The following LHCGR variants were observed in gnomAD, a reference collection of about 807,000 sequenced individuals.
LHCGR encodes the protein luteinizing hormone/choriogonadotropin receptor.
In LHCGR, 55 loss-of-function variants were observed where a neutral mutation model predicts 60.7. The observed-to-expected ratio is 0.91, with a 90% CI of 0.73 to 1.13. The LOEUF (loss-of-function observed/expected upper bound fraction) is 1.13. Ranked by LOEUF, LHCGR falls within the 50% of genes most tolerant of loss-of-function variation. The pLI, the probability that LHCGR is intolerant of heterozygous loss-of-function variation, is 0.00. For synonymous variants in LHCGR, 337 were observed against 316.5 expected (o/e 1.06, Z -0.69); for missense variants, 862 against 836.0 (o/e 1.03, Z -0.38).
chr2:48,699,752 C>A (rs1045086690), intron 8 of LHCGR, among the ~76,000 whole-genome samples: 4 of 152,266 alleles, frequency 2.6e-5, no homozygotes, highest in African/African-American at 9.6e-5. Flanking sequence ...CTCAGCCTTG[C>A]AAGCTGAACT....
chr2:48,706,207 T>C (rs1225522075), intron 8 of LHCGR, among the ~76,000 whole-genome samples: 1 of 152,242 alleles, frequency 6.6e-6, no homozygotes, highest in Non-Finnish European at 1.5e-5. Context: ...TCTTTAAGAA[T>C]GTTGAATATT....
chr2:48,698,715 G>A lies in LHCGR; in HGVS notation c.766C>T (p.Leu256=). Residue 256 remains leucine, a synonymous_variant, in exon 9 of 11, where the codon CTA becomes TTA. Coordinates refer to ENST00000294954, the MANE Select transcript of LHCGR (RefSeq NM_000233.4). The part of the protein sequence containing the change: ...QRLIATSSYS[L]KKLPSRETFV... ...GTTTCTCTTGATGGCAATTTTTTTA[G>A]AGAATAGGATGACGTGGCAATTAGC... The A allele has an allele frequency of 6.2e-7, 1 of 1,614,128 alleles. No homozygotes were observed. Among genetic ancestry groups the A allele is most frequent in the Non-Finnish European group, 8.5e-7 (1 of 1,179,960 alleles).
At chr2:48,714,930 A>G (rs568908074) in intron 6 of LHCGR, among the ~76,000 whole-genome samples, 48 of 152,216 alleles carry the variant, frequency 3.2e-4, no homozygotes, top group Non-Finnish European at 6.3e-4. Context: ...TCTAAAGCCT[A>G]CAACTGGCAT....
chr2:48,695,578 T>G (rs1667077400), intron 9 of LHCGR, among the ~76,000 whole-genome samples: 1 of 152,160 alleles, frequency 6.6e-6, no homozygotes, highest in African/African-American at 2.4e-5. Flanking sequence ...AATAGATCAT[T>G]ACACCAAAAA....
chr2:48,725,909 G>A (rs1324700129), intron 3 of LHCGR, among the ~76,000 whole-genome samples, 159 bp from the exon 4 acceptor site: 1 of 152,188 alleles, frequency 6.6e-6, no homozygotes, highest in Non-Finnish European at 1.5e-5. Context: ...CTCTGGGGAT[G>A]GAAATGGCTT....
intron 1 of LHCGR, among the ~76,000 whole-genome samples, chr2:48,753,044 C>T (rs1670050755): frequency 7.6e-6 from 1 of 131,110 alleles, no homozygotes; most frequent in African/African-American, 3.0e-5. Flanking sequence ...TATACTTTTT[C>T]CTCTCTAAGA....
intron 1 of LHCGR, among the ~76,000 whole-genome samples, chr2:48,741,848 C>T (rs1167240404): frequency 6.6e-6 from 1 of 151,102 alleles, no homozygotes. Context: ...ACAATATTAA[C>T]TTTAAATGTA....
Position 48,755,615 on chromosome 2 carries a change from C to T in LHCGR, c.57G>A (p.Pro19=). The change falls in exon 1 of 11, where the codon CCG becomes CCA. Residue 19 remains proline (P), a synonymous_variant. Coordinates refer to ENST00000294954, the MANE Select transcript of LHCGR (RefSeq NM_000233.4). ...CCTCGCGCAGCGCTCGTGGCAGCGG[C>T]GGCTGCAGCAGCAGCAGCAGCTTCA... ...QLLKLLLLLQ[P]PLPRALREAL... The T allele has an allele frequency of 6.5e-7, 1 of 1,528,986 alleles. No homozygotes were observed. Among genetic ancestry groups the T allele is most frequent in the Non-Finnish European group, 8.8e-7 (1 of 1,141,306 alleles). The allele number at this position is 1,528,986 out of a possible 1,614,324, so 94.7% of individuals were successfully genotyped here. A position where few individuals can be genotyped will look rare whatever the true frequency, so the allele number is the denominator to read the frequency against.
intron 6 of LHCGR, among the ~76,000 whole-genome samples, chr2:48,715,055 G>C (rs1057513054): frequency 6.6e-6 from 1 of 152,104 alleles, no homozygotes; most frequent in Non-Finnish European, 1.5e-5. Flanking sequence ...CTTCCTGCAG[G>C]ATTGTATTTC....
chr2:48,722,559 T>C (rs2104450003), intron 6 of LHCGR, among the ~76,000 whole-genome samples: 1 of 152,176 alleles, frequency 6.6e-6, no homozygotes, highest in East Asian at 1.9e-4. Context: ...TCTCATGAGA[T>C]CTGATTGTTT....
At chr2:48,689,518 T>C (rs1490090495) in intron 10 of LHCGR, among the ~76,000 whole-genome samples, 1 of 152,158 alleles carries the variant, frequency 6.6e-6, no homozygotes, top group Non-Finnish European at 1.5e-5. Context: ...CAAGGATAGA[T>C]TATTAGAAAT....
At position 48,687,371 on chromosome 2, in the gene LHCGR, C is replaced by T. The variant is rs916425275; in HGVS notation, c.*326G>A. On this transcript the variant is annotated 3_prime_UTR_variant, in exon 11 of 11. Coordinates refer to ENST00000294954, the MANE Select transcript of LHCGR (RefSeq NM_000233.4). ...ACTAATATTTTTATAGAATGCAATA[C>T]AAATTACGAAAATGAAAAAAAAGAT... is the stretch of plus-strand genomic sequence containing the variant. 3 of 284,406 alleles carry T rather than the reference C, an allele frequency of 1.1e-5. No homozygotes were observed. The highest frequency in any genetic ancestry group is 2.0e-5 in the Non-Finnish European group (3 of 149,872). 17.6% of individuals were successfully genotyped at this position (284,406 alleles called of 1,614,324 possible).
chr2:48,726,214 G>A (rs975195757), intron 3 of LHCGR, among the ~76,000 whole-genome samples: 1 of 152,164 alleles, frequency 6.6e-6, no homozygotes. Context: ...TTATACCGAG[G>A]GGCACCAGTC....
chr2:48,740,402 C>T (rs961361992), intron 1 of LHCGR, among the ~76,000 whole-genome samples: 2 of 152,202 alleles, frequency 1.3e-5, no homozygotes, highest in Non-Finnish European at 2.9e-5. Flanking sequence ...CACAGACAAA[C>T]AAAAAGACAG....
rs1254990275 is a variant in LHCGR at position 48,688,637 on chromosome 2, C to CT, written c.1159dup (p.Ser387LysfsTer33). 6.2e-7 allele frequency: 1 copy of CT among 1,614,166 alleles called. No individual in the cohort carries two copies. ...ACGAGGCACTGTAAGTTTGTAACGA[C>CT]TTGTCAGGAGAACAAAAAGAACAGT... is the stretch of plus-strand genomic sequence containing the variant. On this transcript the variant is annotated frameshift_variant, in exon 11 of 11. Transcript: ENST00000294954. LOFTEE classifies it high-confidence loss of function. The surrounding 1 kb of genome is among the most constrained non-coding windows in gnomAD (Gnocchi z 5.2).
chr2:48,697,645 T>C (rs938077582), intron 9 of LHCGR, among the ~76,000 whole-genome samples: 2 of 152,202 alleles, frequency 1.3e-5, no homozygotes, highest in Non-Finnish European at 2.9e-5. Context: ...TTTGGTTGAT[T>C]CCAAACAAAG....
At chr2:48,689,163 A>C (rs574429122) in intron 10 of LHCGR, among the ~76,000 whole-genome samples, 91 of 148,326 alleles carry the variant, frequency 6.1e-4, no homozygotes, top group African/African-American at 2.2e-3. Flanking sequence ...ATATATACAC[A>C]CATATATACA....
chr2:48,729,369 C>A, intron 2 of LHCGR, 142 bp from the exon 3 acceptor site: 1 of 719,762 alleles, frequency 1.4e-6, no homozygotes, highest in South Asian at 1.5e-5. Context: ...GCAAGTTGTC[C>A]CCAAATCATA....
chr2:48,732,722 A>G lies in LHCGR; in HGVS notation c.162-1424T>C, dbSNP rs879163619. On this transcript the variant is annotated intron_variant, in intron 1 of 10. Transcript: ENST00000294954. The stretch of plus-strand genomic sequence containing the variant: ...AACCTTGCTTCTCCTGAGAGGAAGC[A>G]TGTCACATTCGCTCTATTTCTTCTG... Among the ~76,000 whole-genome samples, 7 of 152,204 alleles carry G rather than the reference A, an allele frequency of 4.6e-5. No homozygotes were observed. In the South Asian group the frequency reaches 1.4e-3, roughly 32 times the overall value.
Sources: allele counts gnomAD v4.1 joint callset (sites outside exome capture counted in the v4.1 genomes callset), GRCh38; gene constraint gnomAD v4.1.1; non-coding constraint Gnocchi (gnomAD v3.1); transcripts MANE v1.5; gene names NCBI Gene and HGNC (gene_info 2026-07-23, HGNC 2026-07-21).